Variants in TBC1D12 observed in about 807,000 individuals in gnomAD.
TBC1D12 encodes the protein TBC1 domain family, member 12.
TBC1D12 carries 56 observed loss-of-function variants against 86.7 expected under a neutral mutation model. The observed-to-expected ratio is 0.65, with a 90% CI of 0.52 to 0.81. The LOEUF (loss-of-function observed/expected upper bound fraction) is 0.81. Among genes scored for constraint, TBC1D12 ranks in the 30% least tolerant of loss-of-function variants. The pLI is 0.00. For missense variants in TBC1D12, 1,023 were observed against 1,038.8 expected, an observed-to-expected ratio of 0.98 and a Z score of 0.21; for synonymous variants, 421 against 411.7, an observed-to-expected ratio of 1.02 and a Z score of -0.27.
chr10:94,479,990 T>G lies in TBC1D12; in HGVS notation c.1211+5207T>G, dbSNP rs76553054. ...ACCTTATGCTAACCGCAGAACGGGC[T>G]TGGGGACCCACTGGGCCCACAGTAA... On this transcript the variant is annotated intron_variant, in intron 3 of 12. Coordinates refer to ENST00000225235, the MANE Select transcript of TBC1D12 (RefSeq NM_015188.2). Among the ~76,000 whole-genome samples, 415 of 152,326 alleles carry G rather than the reference T, an allele frequency of 2.7e-3. 10 individuals are homozygous for G. The East Asian group carries it at 0.06, about 22-fold the overall frequency.
chr10:94,531,332 C>A lies in TBC1D12; in HGVS notation c.2131C>A (p.Leu711Ile). ...AATCCTCCGATTATATGAAGATATTCTCCTGCAGATGGACTTTATTCATAT... is the reference window on the plus strand; with the variant it reads ...AATCCTCCGATTATATGAAGATATTATCCTGCAGATGGACTTTATTCATAT... The part of the protein sequence containing the change: ...LGILRLYEDI[L>I]LQMDFIHIAQ... Residue 711 changes from leucine (L) to isoleucine (I), a missense_variant, in exon 12 of 13, where the codon CTC (leucine) becomes ATC (isoleucine). Around this residue, in one of 2 missense-constraint regions of TBC1D12, gnomAD observed 395 missense variants for 507.7 expected, o/e 0.78. Coordinates refer to ENST00000225235, the MANE Select transcript of TBC1D12 (RefSeq NM_015188.2). The A allele has an allele frequency of 1.2e-6, 2 of 1,614,104 alleles. No homozygotes were observed. The highest frequency in any genetic ancestry group is 2.2e-5 in the East Asian group (1 of 44,866).
chr10:94,452,135 A>G (rs2055560474), intron 2 of TBC1D12, among the ~76,000 whole-genome samples: 1 of 151,320 alleles, frequency 6.6e-6, no homozygotes, highest in Non-Finnish European at 1.5e-5. Flanking sequence ...TTTAAATGTA[A>G]AAACTATGGC....
chr10:94,465,670 A>ATATG (rs1473804309), intron 2 of TBC1D12, among the ~76,000 whole-genome samples: 417 of 137,948 alleles, frequency 3.0e-3, no homozygotes, highest in Middle Eastern at 7.4e-3. Context: ...ATATATATAT[A>ATATG]TGTGTGTGTG....
In TBC1D12 at chr10:94,492,036, A is replaced by G. The variant is rs2134174685; in HGVS notation, c.1212-1329A>G. ...GTGTTACTGTTGCACCTTAAATTGC[A>G]AAAGTTACTACCATAGAGCACGGTG... is the stretch of plus-strand genomic sequence containing the variant. On this transcript the variant is annotated intron_variant, in intron 3 of 12. Transcript: ENST00000225235. 2.0e-5 allele frequency among the ~76,000 whole-genome samples: 3 copies of G among 152,356 alleles called. No individual in the cohort carries two copies. In the South Asian group the frequency reaches 6.2e-4, roughly 32 times the overall value.
Position 94,402,856 on chromosome 10 carries a change from G to A in TBC1D12, c.243G>A (p.Leu81=). Residue 81 remains leucine, a synonymous_variant, in exon 1 of 13, where the codon CTG becomes CTA. Coordinates refer to ENST00000225235, the MANE Select transcript of TBC1D12 (RefSeq NM_015188.2). ...ACCTCGCGGCGGCCGGGGAGCAGCT[G>A]GAGCCGGGGCTCTGCTACTGTCCGC... is the stretch of plus-strand genomic sequence containing the variant. ...QRYLAAAGEQ[L]EPGLCYCPLP... is the part of the protein sequence containing the mutation. 6.5e-7 allele frequency: 1 copy of A among 1,532,094 alleles called. No homozygotes were observed. The allele number at this position is 1,532,094 out of a possible 1,614,324, so 94.9% of individuals were successfully genotyped here. A position where few individuals can be genotyped will look rare whatever the true frequency, so the allele number is the denominator to read the frequency against.
chr10:94,402,828 G>T lies in TBC1D12; in HGVS notation c.215G>T (p.Arg72Leu), dbSNP rs1564930331. 6.5e-7 allele frequency: 1 copy of T among 1,540,310 alleles called. No individual in the cohort carries two copies. Among genetic ancestry groups the T allele is most frequent in the Non-Finnish European group, 8.7e-7 (1 of 1,143,206 alleles). The change falls in exon 1 of 13, where the codon CGT (arginine) becomes CTT (leucine). Residue 72 changes from arginine to leucine, a missense_variant. Around this residue, in one of 2 missense-constraint regions of TBC1D12, gnomAD observed 628 missense variants for 531.1 expected, o/e 1.18. Coordinates refer to ENST00000225235, the MANE Select transcript of TBC1D12 (RefSeq NM_015188.2). ...ACGCCGCCTCGGCAGCTCCTTCAGC[G>T]TTACCTCGCGGCGGCCGGGGAGCAG... ...EETPPRQLLQRYLAAAGEQLE... is the reference protein window; with the variant it reads ...EETPPRQLLQLYLAAAGEQLE...
chr10:94,424,557 C>G (rs2055122398), intron 1 of TBC1D12, among the ~76,000 whole-genome samples: 1 of 152,164 alleles, frequency 6.6e-6, no homozygotes, highest in Admixed American at 6.5e-5. Context: ...GTGATGGAAA[C>G]ATAAATTGAA....
chr10:94,463,005 C>A (rs759336222), intron 2 of TBC1D12, among the ~76,000 whole-genome samples: 1 of 152,000 alleles, frequency 6.6e-6, no homozygotes, highest in Non-Finnish European at 1.5e-5. Flanking sequence ...GACCTTTTAT[C>A]TTTTTAATGT....
intron 9 of TBC1D12, among the ~76,000 whole-genome samples, chr10:94,518,791 C>T (rs994983413): frequency 6.6e-6 from 1 of 152,068 alleles, no homozygotes; most frequent in East Asian, 1.9e-4. Context: ...CATAATATTC[C>T]GGGCTGGACA....
intron 1 of TBC1D12, among the ~76,000 whole-genome samples, chr10:94,432,867 T>C (rs566509419): frequency 6.6e-6 from 1 of 152,280 alleles, no homozygotes; most frequent in Admixed American, 6.5e-5. Context: ...TTATTTGATT[T>C]AAGAAGTTAG....
intron 2 of TBC1D12, among the ~76,000 whole-genome samples, chr10:94,454,716 C>G (rs771905526): frequency 2.0e-5 from 3 of 152,126 alleles, no homozygotes; most frequent in Non-Finnish European, 2.9e-5. Context: ...AAGTGATTGA[C>G]TTTTGTACAT....
At chr10:94,526,104 A>G (rs1177427484) in intron 11 of TBC1D12, among the ~76,000 whole-genome samples, 1 of 152,068 alleles carries the variant, frequency 6.6e-6, no homozygotes, top group African/African-American at 2.4e-5. Context: ...CACCCTTCCC[A>G]GCCTCTAGTA....
intron 6 of TBC1D12, 73 bp from the exon 7 acceptor site, chr10:94,507,194 A>G: frequency 6.9e-7 from 1 of 1,448,538 alleles, no homozygotes; most frequent in East Asian, 2.4e-5. Flanking sequence ...ATAGGTAAAG[A>G]GTAAAAATTA....
chr10:94,437,913 T>C (rs2055325858), intron 1 of TBC1D12, among the ~76,000 whole-genome samples: 1 of 150,920 alleles, frequency 6.6e-6, no homozygotes, highest in African/African-American at 2.4e-5. Context: ...ATTTTGTTCA[T>C]ACATTTTCCC....
At position 94,533,756 on chromosome 10, in the gene TBC1D12, A is replaced by C. The variant is rs1350178117; in HGVS notation, c.*660A>C. 2.6e-5 allele frequency: 4 copies of C among 152,106 alleles called. No homozygotes were observed. The highest frequency in any genetic ancestry group is 4.4e-5 in the Non-Finnish European group (3 of 67,998). 9.4% of individuals were successfully genotyped at this position (152,106 alleles called of 1,614,324 possible). A position where few individuals can be genotyped will look rare whatever the true frequency, so the allele number is the denominator to read the frequency against. On this transcript the variant is annotated 3_prime_UTR_variant, in exon 13 of 13. Transcript: ENST00000225235. ...TTGTCTTCCTTAAGGAATTCCTATC[A>C]CTCAGAGAATTTTAGCCATTCTGGT...
chr10:94,516,430 A>T (rs557749332), intron 9 of TBC1D12, among the ~76,000 whole-genome samples: 103 of 151,976 alleles, frequency 6.8e-4, no homozygotes, highest in South Asian at 3.7e-3. Flanking sequence ...TGTTTTTTTT[A>T]AAATTATACT....
chr10:94,454,174 G>A (rs1396367828), intron 2 of TBC1D12, among the ~76,000 whole-genome samples: 1 of 152,160 alleles, frequency 6.6e-6, no homozygotes, highest in African/African-American at 2.4e-5. Flanking sequence ...TTGGGATTGT[G>A]TTGAATCTAT....
chr10:94,478,966 G>A (rs924850218), intron 3 of TBC1D12, among the ~76,000 whole-genome samples: 1 of 151,808 alleles, frequency 6.6e-6, no homozygotes, highest in Non-Finnish European at 1.5e-5. Flanking sequence ...AAAAAAAAAA[G>A]TGGAAATGTG....
intron 1 of TBC1D12, among the ~76,000 whole-genome samples, chr10:94,424,477 A>G (rs2055121517): frequency 6.6e-6 from 1 of 152,208 alleles, no homozygotes. Context: ...TTCATTCAGT[A>G]AGCATATTTG....
Sources: gnomAD v4.1 joint callset for allele counts (sites outside exome capture counted in the v4.1 genomes callset) on GRCh38, gnomAD v4.1.1 for gene constraint, gnomAD v4.1.1 regional missense constraint, MANE v1.5 for transcripts, NCBI Gene and HGNC (gene_info 2026-07-23, HGNC 2026-07-21) for gene names.